Variants in ALG13 observed in about 807,000 individuals in gnomAD.
ALG13 encodes UDP-N-acetylglucosamine transferase subunit ALG13.
ALG13 carries 11 observed loss-of-function variants against 87.8 expected under a neutral mutation model. The ratio of observed to expected loss-of-function variants is 0.13; its 90% confidence interval spans 0.08 to 0.21. The LOEUF is 0.21. Ranked by LOEUF, ALG13 falls within the 10% of genes least tolerant of loss-of-function variation. The pLI, the probability that ALG13 is intolerant of heterozygous loss-of-function variation, is 1.00. For synonymous variants in ALG13, 320 were observed against 306.3 expected (o/e 1.04, Z -0.47); for missense variants, 756 against 866.1 (o/e 0.87, Z 1.60).
At chrX:111,700,751 ATTTTTTTTTT>A (rs772630509) in intron 3 of ALG13, among the ~76,000 whole-genome samples, 1 of 50,725 alleles carries the variant, frequency 2.0e-5, no homozygotes, top group Non-Finnish European at 4.2e-5. Flanking sequence ...TAATTTTTGT[ATTTTTTTTTT>A]TTTTTTTTTT....
At chrX:111,742,615 C>T (rs1943858219) in intron 23 of ALG13, among the ~76,000 whole-genome samples, 1 of 111,909 alleles carries the variant, frequency 8.9e-6, no homozygotes, top group South Asian at 3.7e-4. Flanking sequence ...CATACAAGTA[C>T]AGGGTTGGAT....
intron 23 of ALG13, 53 bp downstream of exon 23, chrX:111,736,932 A>G (rs1232948135): frequency 1.5e-5 from 15 of 1,004,234 alleles, no homozygotes; most frequent in East Asian, 3.2e-5. Flanking sequence ...ATTCATGAAC[A>G]TGCACATCCA....
rs753538906 is a variant in ALG13 at position 111,718,270 on chromosome X, A to G, written c.1246A>G (p.Asn416Asp). ...TACTGATTACAAGAGTTCAAATCAG[A>G]ATAGGTAATAAAGGGAAAGGGGATA... The part of the protein sequence containing the change: ...AHTDYKSSNQ[N>D]RMEEWGACYN... The change falls in exon 10 of 27, where the codon AAT becomes GAT. Residue 416 changes from asparagine (N) to aspartate (D), a missense_variant. Around this residue, in one of 9 missense-constraint regions of ALG13, gnomAD observed 48 missense variants for 50.5 expected, o/e 0.95. Transcript: ENST00000394780. 11 of 1,180,172 alleles carry G rather than the reference A, an allele frequency of 9.3e-6. No individual in the cohort carries two copies. Among genetic ancestry groups the G allele is most frequent in the Non-Finnish European group, 1.3e-5 (11 of 876,684 alleles).
chrX:111,685,228 A>G (rs1373943581), intron 3 of ALG13, 125 bp downstream of exon 3: 1 of 763,645 alleles, frequency 1.3e-6, no homozygotes, highest in Non-Finnish European at 1.9e-6. Context: ...AAACCTTTTG[A>G]TTTTCTCAGC....
chrX:111,711,820 A>C (rs1296833806), intron 6 of ALG13, 95 bp downstream of exon 6: 21 of 867,710 alleles, frequency 2.4e-5, no homozygotes, highest in Non-Finnish European at 3.4e-5. Context: ...CCAGACCCCA[A>C]ATATTTTATT....
chrX:111,745,003 A>G, intron 24 of ALG13, 99 bp downstream of exon 24: 1 of 729,496 alleles, frequency 1.4e-6, no homozygotes, highest in Non-Finnish European at 2.1e-6. Flanking sequence ...TGGGGAACCA[A>G]ATGAAAATTG....
rs1438801847 is a variant in ALG13, at chrX:111,727,616, C to T, written c.2093C>T (p.Ser698Leu). ...TTTTATTATTTGAACCACTTAAGTTCATTTAGACGTAGTCACCGCCAGATG... is the reference window on the plus strand; with the variant it reads ...TTTTATTATTTGAACCACTTAAGTTTATTTAGACGTAGTCACCGCCAGATG... ...SYDNFSYRSR[S>L]FRRSHRQMSC... Residue 698 changes from serine (S) to leucine (L), a missense_variant and splice_region_variant, in exon 18 of 27, where the codon TCA (serine) becomes TTA (leucine). Physicochemically the swap from Ser to Leu is moderately radical, Grantham distance 145. Around this residue, in one of 9 missense-constraint regions of ALG13, gnomAD observed 362 missense variants for 383.5 expected, o/e 0.94. Transcript: ENST00000394780. The T allele has an allele frequency of 2.5e-6, 3 of 1,199,345 alleles. No individual in the cohort carries two copies. Among genetic ancestry groups the T allele is most frequent in the Middle Eastern group, 2.3e-4 (1 of 4,297 alleles).
intron 3 of ALG13, among the ~76,000 whole-genome samples, chrX:111,703,624 G>A (rs113414920): frequency 1.2e-4 from 14 of 112,137 alleles, no homozygotes; most frequent in African/African-American, 4.5e-4. Flanking sequence ...CATACAGTGT[G>A]TAGCCTTTTG....
chrX:111,686,260 G>A, intron 3 of ALG13: 1 of 409,484 alleles, frequency 2.4e-6, no homozygotes, highest in Non-Finnish European at 3.7e-6. Flanking sequence ...TACTATATAT[G>A]TGTATATATA....
chrX:111,691,225 C>T (rs764491199), intron 3 of ALG13, among the ~76,000 whole-genome samples: 7 of 110,565 alleles, frequency 6.3e-5, no homozygotes, highest in African/African-American at 2.3e-4. Flanking sequence ...CTCTGCCTCC[C>T]GAGTAGTTGG....
intron 5 of ALG13, among the ~76,000 whole-genome samples, chrX:111,711,285 T>A (rs1939731938): frequency 8.9e-6 from 1 of 112,478 alleles, no homozygotes; most frequent in African/African-American, 3.2e-5. Context: ...TAGAAACTAA[T>A]GAAATTCTCT....
At chrX:111,749,007 C>G (rs1944479507) in intron 24 of ALG13, among the ~76,000 whole-genome samples, 2 of 110,600 alleles carry the variant, frequency 1.8e-5, no homozygotes, top group African/African-American at 6.6e-5. Context: ...CACTTGAACC[C>G]AGGAGGTGGA....
chrX:111,705,995 G>A (rs112257546), intron 3 of ALG13, among the ~76,000 whole-genome samples: 14 of 111,900 alleles, frequency 1.3e-4, no homozygotes, highest in African/African-American at 4.2e-4. Flanking sequence ...CAGATGTGAA[G>A]CATTTGTGTT....
At chrX:111,743,891 ATCAT>A (rs1362639477) in intron 23 of ALG13, 1 of 109,210 alleles carries the variant, frequency 9.2e-6, no homozygotes, top group Non-Finnish European at 1.9e-5. Flanking sequence ...GAAGGTTTGT[ATCAT>A]TCATCTTTTG....
intron 3 of ALG13, chrX:111,687,808 G>A (rs778025986): frequency 4.3e-5 from 39 of 904,904 alleles, no homozygotes; most frequent in Non-Finnish European, 5.7e-5. Flanking sequence ...TTGGAAGTTA[G>A]ATTCAGTCAT....
chrX:111,735,374 A>G (rs898436849), intron 22 of ALG13, among the ~76,000 whole-genome samples: 1 of 111,956 alleles, frequency 8.9e-6, no homozygotes, highest in African/African-American at 3.2e-5. Context: ...TCTTTTATAT[A>G]AAGAGTGAGT....
At chrX:111,731,054 A>G (rs897773988) in intron 21 of ALG13, among the ~76,000 whole-genome samples, 6 of 112,237 alleles carry the variant, frequency 5.3e-5, no homozygotes, top group African/African-American at 1.9e-4. Flanking sequence ...GTCCCACTGA[A>G]GAGTCTTAAC....
At chrX:111,729,444 G>A (rs768959074) in intron 19 of ALG13, among the ~76,000 whole-genome samples, 1 of 111,209 alleles carries the variant, frequency 9.0e-6, no homozygotes, top group East Asian at 2.8e-4. Flanking sequence ...AAAAAATCTA[G>A]TGCAAGAATG....
At chrX:111,726,058 C>T (rs1047312969) in intron 15 of ALG13, among the ~76,000 whole-genome samples, 3 of 111,286 alleles carry the variant, frequency 2.7e-5, no homozygotes, top group Non-Finnish European at 5.7e-5. Context: ...ATTCTCCTGC[C>T]TCAGCCTCCC....
Sources: allele counts gnomAD v4.1 joint callset (sites outside exome capture counted in the v4.1 genomes callset), GRCh38; gene constraint gnomAD v4.1.1; regional missense constraint gnomAD v4.1.1; transcripts MANE v1.5; gene names NCBI Gene and HGNC (gene_info 2026-07-23, HGNC 2026-07-21).